The following AOPEP variants were observed in gnomAD, a reference collection of about 807,000 sequenced individuals.
AOPEP encodes the protein aminopeptidase O (putative), also known as aminopeptidase O.
AOPEP carries 77 observed loss-of-function variants against 98.1 expected under a neutral mutation model. The ratio of observed to expected loss-of-function variants is 0.78; its 90% CI spans 0.65 to 0.95. AOPEP has a LOEUF of 0.95. Ranked by LOEUF, AOPEP falls within the 40% of genes least tolerant of loss-of-function variation. AOPEP has a pLI of 0.00. For missense variants in AOPEP, 1,024 were observed against 1,024.7 expected (o/e 1.00, Z 0.01); for synonymous variants, 346 against 365.3 (o/e 0.95, Z 0.60).
At chr9:94,984,102 C>A (rs947218737) in intron 11 of AOPEP, among the ~76,000 whole-genome samples, 2 of 150,970 alleles carry the variant, frequency 1.3e-5, no homozygotes, top group Non-Finnish European at 2.9e-5. Context: ...GGCATGATCT[C>A]GGCTCACTGC....
chr9:95,067,928 A>G (rs1306793281), intron 14 of AOPEP, among the ~76,000 whole-genome samples: 1 of 152,196 alleles, frequency 6.6e-6, no homozygotes, highest in Admixed American at 6.5e-5. Flanking sequence ...ATGGAATTAT[A>G]TATAATATTT....
chr9:94,885,226 GTA>G (rs947740405), intron 5 of AOPEP, among the ~76,000 whole-genome samples: 3 of 151,208 alleles, frequency 2.0e-5, no homozygotes, highest in African/African-American at 7.3e-5. Flanking sequence ...ATGTGTACCT[GTA>G]GTCCTAGCTA....
intron 7 of AOPEP, among the ~76,000 whole-genome samples, chr9:94,929,472 T>C (rs2054934746): frequency 6.6e-6 from 1 of 152,250 alleles, no homozygotes; most frequent in African/African-American, 2.4e-5. Context: ...CTGCAGAATG[T>C]TGGGGTATGG....
intron 5 of AOPEP, among the ~76,000 whole-genome samples, chr9:94,837,404 A>G (rs530131875): frequency 3.9e-5 from 6 of 152,362 alleles, no homozygotes; most frequent in South Asian, 2.1e-4. Context: ...GCATGATTCT[A>G]TGAAGCCAGT....
intron 13 of AOPEP, among the ~76,000 whole-genome samples, chr9:95,014,833 T>G (rs1286516446): frequency 2.0e-5 from 3 of 152,222 alleles, no homozygotes; most frequent in Non-Finnish European, 4.4e-5. Context: ...AGTAGTCTAT[T>G]TTTCAGATAA....
In AOPEP at chr9:94,972,453, G is replaced by A. The variant is rs1159015699; in HGVS notation, c.1916+4652G>A. ...CCTTATGCCAGTGTCCTTGCTGCCT[G>A]GTGTTCCAGTGTTAGTAACAGCTGC... is the stretch of plus-strand genomic sequence containing the variant. On this transcript the variant is annotated intron_variant, in intron 10 of 16. Coordinates refer to ENST00000375315, the MANE Select transcript of AOPEP (RefSeq NM_001193329.3). The surrounding 1 kb of genome is among the most constrained non-coding windows in gnomAD (Gnocchi z 4.2). Among the ~76,000 whole-genome samples, 1 of 152,156 alleles carries A rather than the reference G, an allele frequency of 6.6e-6. No individual in the cohort carries two copies. Among genetic ancestry groups the A allele is most frequent in the Non-Finnish European group, 1.5e-5 (1 of 68,042 alleles).
At chr9:94,778,555 G>A (rs1842660697) in intron 3 of AOPEP, among the ~76,000 whole-genome samples, 1 of 152,102 alleles carries the variant, frequency 6.6e-6, no homozygotes, top group African/African-American at 2.4e-5. Context: ...TGAATTTTGA[G>A]AAGAAGTCAA....
intron 5 of AOPEP, among the ~76,000 whole-genome samples, chr9:94,864,563 A>C (rs781044887): frequency 1.2e-4 from 18 of 152,112 alleles, no homozygotes; most frequent in Non-Finnish European, 2.2e-4. Flanking sequence ...TGTTTATATT[A>C]ATTAAGGTTT....
intron 3 of AOPEP, among the ~76,000 whole-genome samples, chr9:94,792,052 A>G (rs1300690400): frequency 6.6e-6 from 1 of 152,206 alleles, no homozygotes; most frequent in Non-Finnish European, 1.5e-5. Flanking sequence ...AGTGGAGAGT[A>G]CACCCTCAAC....
chr9:94,744,499 G>A (rs1472334484), intron 1 of AOPEP, among the ~76,000 whole-genome samples: 1 of 151,888 alleles, frequency 6.6e-6, no homozygotes, highest in Non-Finnish European at 1.5e-5. Flanking sequence ...TTGGGAGTTC[G>A]AGACCAGCCT....
intron 5 of AOPEP, among the ~76,000 whole-genome samples, chr9:94,843,883 G>C (rs1257636417): frequency 2.0e-5 from 3 of 151,982 alleles, no homozygotes; most frequent in African/African-American, 7.3e-5. Flanking sequence ...TATTTTTTAA[G>C]TTATTGCTAT....
intron 1 of AOPEP, among the ~76,000 whole-genome samples, chr9:94,741,734 G>A (rs1425402735): frequency 3.3e-5 from 5 of 152,058 alleles, no homozygotes; most frequent in African/African-American, 1.2e-4. Flanking sequence ...AAATCTTTGC[G>A]GCCCCCCAAA....
chr9:94,979,470 T>C (rs1358160236), intron 11 of AOPEP, 43 bp downstream of exon 11: 1 of 1,240,836 alleles, frequency 8.1e-7, no homozygotes, highest in South Asian at 1.3e-5. Flanking sequence ...TGGAGAGTAG[T>C]AAAGCTTGCT....
chr9:95,074,877 C>T (rs940587160), intron 14 of AOPEP, among the ~76,000 whole-genome samples: 3 of 152,228 alleles, frequency 2.0e-5, no homozygotes, highest in South Asian at 2.1e-4. Context: ...GCACCGGCAG[C>T]GGCAGAGGGA....
the AOPEP span, among the ~76,000 whole-genome samples, chr9:95,098,644 G>A: frequency 1.3e-5 from 2 of 152,230 alleles, no homozygotes; most frequent in African/African-American, 2.4e-5. Flanking sequence ...AGGGGCCTGT[G>A]GGGCTGGAGG....
At chr9:94,730,177 G>A (rs1035664879) in intron 1 of AOPEP, among the ~76,000 whole-genome samples, 3 of 151,820 alleles carry the variant, frequency 2.0e-5, no homozygotes, top group African/African-American at 4.8e-5. Flanking sequence ...CCAGCTACTC[G>A]TGAGGCTGAG....
chr9:94,882,936 C>T (rs2047760403), intron 5 of AOPEP, among the ~76,000 whole-genome samples: 2 of 152,316 alleles, frequency 1.3e-5, no homozygotes, highest in South Asian at 4.1e-4. Flanking sequence ...GTCTCAGAAG[C>T]TACAGTCTCT....
chr9:95,033,056 G>A (rs1355227774), intron 13 of AOPEP, among the ~76,000 whole-genome samples: 2 of 152,198 alleles, frequency 1.3e-5, no homozygotes. Context: ...CACCTGACAT[G>A]GTTGGGGGAA....
chr9:94,752,037 G>A (rs1053175724), intron 1 of AOPEP, among the ~76,000 whole-genome samples: 7 of 151,858 alleles, frequency 4.6e-5, no homozygotes, highest in Non-Finnish European at 1.0e-4. Flanking sequence ...GACTATAGGC[G>A]TGTACACCAC....
Sources: gnomAD v4.1 joint callset for allele counts (sites outside exome capture counted in the v4.1 genomes callset) on GRCh38, gnomAD v4.1.1 for gene constraint, Gnocchi (gnomAD v3.1) non-coding constraint, MANE v1.5 for transcripts, NCBI Gene and HGNC (gene_info 2026-07-23, HGNC 2026-07-21) for gene names.